GRIK3: variants seen among roughly 807,000 people sequenced by gnomAD.
The protein encoded by GRIK3 is glutamate receptor ionotropic, kainate 3.
Under a neutral mutation model 102.5 loss-of-function variants are expected in GRIK3, and 29 were observed. That is an observed-to-expected ratio of 0.28 (90% confidence interval 0.21 to 0.39). The LOEUF (loss-of-function observed/expected upper bound fraction) is 0.39, where lower values mean the gene tolerates loss of function less well. Ranked by LOEUF, GRIK3 falls within the 10% of genes least tolerant of loss-of-function variation. The pLI is 1.00. For synonymous variants in GRIK3, 511 were observed against 504.9 expected, an observed-to-expected ratio of 1.01 and a Z score of -0.16; for missense variants, 908 against 1,252.4, an observed-to-expected ratio of 0.73 and a Z score of 4.15.
chr1:37,033,896 G>A (rs990888155), intron 1 of GRIK3, 98 bp downstream of exon 1: 88 of 621,240 alleles, frequency 1.4e-4, no homozygotes, highest in Non-Finnish European at 2.4e-4. Context: ...GCAGCTCGGA[G>A]AGAGGTTAGG....
rs1472696843 is a variant in GRIK3, at chr1:36,994,747, C to T, written c.115+39247G>A. On this transcript the variant is annotated intron_variant, in intron 1 of 15. Coordinates refer to ENST00000373091, the MANE Select transcript of GRIK3 (RefSeq NM_000831.4). ...AGAATTTTTGGATAGTGATTCTTTT[C>T]AGCTGTCACACCACCCTGGGCATCA... Among the ~76,000 whole-genome samples, 3 of 152,132 alleles carry T rather than the reference C, an allele frequency of 2.0e-5. No homozygotes were observed. In the East Asian group the frequency reaches 5.8e-4, roughly 29 times the overall value.
intron 10 of GRIK3, among the ~76,000 whole-genome samples, chr1:36,826,074 G>A (rs1463995026): frequency 1.3e-5 from 2 of 152,150 alleles, no homozygotes; most frequent in Non-Finnish European, 1.5e-5. Context: ...AGAGGGTGGT[G>A]GAATAAACAT....
intron 8 of GRIK3, among the ~76,000 whole-genome samples, chr1:36,851,172 T>C (rs945491945): frequency 8.6e-5 from 13 of 151,146 alleles, no homozygotes; most frequent in Non-Finnish European, 4.4e-5. Flanking sequence ...TCAGGACACT[T>C]AATCAATTAA....
At chr1:37,018,370 A>G (rs1642675297) in intron 1 of GRIK3, among the ~76,000 whole-genome samples, 1 of 152,218 alleles carries the variant, frequency 6.6e-6, no homozygotes, top group Admixed American at 6.5e-5. Flanking sequence ...TTCTCGGACC[A>G]TCACTCACTG....
At position 36,819,293 on chromosome 1, in the gene GRIK3, G is replaced by A. The variant is rs1365740891; in HGVS notation, c.1873+443C>T. On this transcript the variant is annotated intron_variant, in intron 12 of 15. Coordinates refer to ENST00000373091, the MANE Select transcript of GRIK3 (RefSeq NM_000831.4). This position sits in a 1 kb window ranked among gnomAD's most constrained non-coding sequence, Gnocchi z 4.1. Reference sequence around the variant, plus strand: ...TGCCTTCCACTCCCAGGGCCACCACGAGGTTCAGGTCTCATCACCTCATTC... The same window carrying A: ...TGCCTTCCACTCCCAGGGCCACCACAAGGTTCAGGTCTCATCACCTCATTC... Among the ~76,000 whole-genome samples the A allele has an allele frequency of 6.6e-6, 1 of 152,166 alleles. No individual in the cohort carries two copies. Among genetic ancestry groups the A allele is most frequent in the African/African-American group, 2.4e-5 (1 of 41,438 alleles).
At chr1:36,958,383 A>G (rs1365349814) in intron 1 of GRIK3, among the ~76,000 whole-genome samples, 2 of 72,100 alleles carry the variant, frequency 2.8e-5, no homozygotes, top group Non-Finnish European at 4.8e-5. Flanking sequence ...GTGCTCTTTG[A>G]ATCTGCGCCC....
intron 1 of GRIK3, among the ~76,000 whole-genome samples, chr1:36,970,863 C>G (rs1400027084): frequency 2.6e-5 from 4 of 152,204 alleles, no homozygotes; most frequent in Non-Finnish European, 5.9e-5. Context: ...CCCCCAATAG[C>G]CTTTCACTAC....
chr1:36,892,971 A>C (rs1641133458), intron 1 of GRIK3, among the ~76,000 whole-genome samples: 1 of 152,208 alleles, frequency 6.6e-6, no homozygotes, highest in Non-Finnish European at 1.5e-5. Flanking sequence ...ACAATTATTC[A>C]ATTATTTGGA....
intron 1 of GRIK3, among the ~76,000 whole-genome samples, chr1:36,973,764 G>A (rs570705529): frequency 6.6e-6 from 1 of 152,148 alleles, no homozygotes; most frequent in Non-Finnish European, 1.5e-5. Flanking sequence ...CTCTCTCAAA[G>A]CATGAAATGA....
chr1:36,933,766 T>C (rs1156393338), intron 1 of GRIK3, among the ~76,000 whole-genome samples: 1 of 152,228 alleles, frequency 6.6e-6, no homozygotes, highest in Admixed American at 6.5e-5. Context: ...GAAAGTCAGA[T>C]GCTGCTGTGT....
Position 36,880,859 on chromosome 1 carries a change from T to TCGCCACCA in GRIK3, c.317_324dup (p.Ile109TrpfsTer45). ...CAGGAGCCCTGTGATGGGCCGAAGA[T>TCGCCACCA]CGCCACCACGCCCAGTGCCAGCTGG... On this transcript the variant is annotated frameshift_variant, in exon 3 of 16. Coordinates refer to ENST00000373091, the MANE Select transcript of GRIK3 (RefSeq NM_000831.4). LOFTEE classifies it high-confidence loss of function. The surrounding 1 kb of genome is among the most constrained non-coding windows in gnomAD (Gnocchi z 5.4). 6.2e-7 allele frequency: 1 copy of TCGCCACCA among 1,612,482 alleles called. No individual in the cohort carries two copies. The highest frequency in any genetic ancestry group is 1.1e-5 in the South Asian group (1 of 90,904).
At chr1:36,990,804 G>C (rs1260277324) in intron 1 of GRIK3, among the ~76,000 whole-genome samples, 2 of 152,112 alleles carry the variant, frequency 1.3e-5, no homozygotes, top group Non-Finnish European at 2.9e-5. Context: ...CAGAGTTCCA[G>C]GGAGTGGAGA....
chr1:36,876,946 T>C (rs1025060377), intron 3 of GRIK3, among the ~76,000 whole-genome samples: 1 of 152,230 alleles, frequency 6.6e-6, no homozygotes, highest in African/African-American at 2.4e-5. Context: ...TAATTAAATA[T>C]TGAAGGAAAG....
chr1:36,915,807 G>C (rs1177020918), intron 1 of GRIK3, among the ~76,000 whole-genome samples: 1 of 152,116 alleles, frequency 6.6e-6, no homozygotes, highest in East Asian at 1.9e-4. Context: ...TGCATTAAAC[G>C]TCTTTCTTCT....
At chr1:36,910,396 C>G (rs752892633) in intron 1 of GRIK3, among the ~76,000 whole-genome samples, 3 of 152,250 alleles carry the variant, frequency 2.0e-5, no homozygotes, top group African/African-American at 4.8e-5. Flanking sequence ...CCTGTCTGTT[C>G]TGATCAGGGT....
At chr1:36,828,795 A>G (rs1014030785) in intron 10 of GRIK3, among the ~76,000 whole-genome samples, 1 of 152,158 alleles carries the variant, frequency 6.6e-6, no homozygotes, top group African/African-American at 2.4e-5. Flanking sequence ...TCTTCCTTTA[A>G]CTTTTGATGG....
In GRIK3 at chr1:36,880,566, A is replaced by C; in HGVS notation, c.550+68T>G. 2 of 1,482,942 alleles carry C rather than the reference A, an allele frequency of 1.3e-6. No individual in the cohort carries two copies. The highest frequency in any genetic ancestry group is 1.9e-6 in the Non-Finnish European group (2 of 1,068,392). The allele number at this position is 1,482,942 out of a possible 1,614,324, so 91.9% of individuals were successfully genotyped here. A position where few individuals can be genotyped will look rare whatever the true frequency, so the allele number is the denominator to read the frequency against. On this transcript the variant is annotated intron_variant, in intron 3 of 15. Transcript: ENST00000373091. The surrounding 1 kb of genome is among the most constrained non-coding windows in gnomAD (Gnocchi z 5.4). ...GGCAGCTGTGCTGAACAAACAGACA[A>C]GAGCTTGATCCTGGGCCTCTGCCCC... is the stretch of plus-strand genomic sequence containing the variant.
At chr1:36,959,936 A>AGC (rs10622271) in intron 1 of GRIK3, among the ~76,000 whole-genome samples, 166 of 31,492 alleles carry the variant, frequency 5.3e-3, no homozygotes, top group East Asian at 0.012. Flanking sequence ...GTGCCCCATG[A>AGC]CTCTGTGCCC....
intron 10 of GRIK3, among the ~76,000 whole-genome samples, chr1:36,827,582 C>T (rs972912626): frequency 6.6e-6 from 1 of 152,228 alleles, no homozygotes; most frequent in African/African-American, 2.4e-5. Context: ...ACAGACATGA[C>T]TTCTGCCCTC....
Sources: gnomAD v4.1 joint callset for allele counts (sites outside exome capture counted in the v4.1 genomes callset) on GRCh38, gnomAD v4.1.1 for gene constraint, Gnocchi (gnomAD v3.1) non-coding constraint, MANE v1.5 for transcripts, NCBI Gene and HGNC (gene_info 2026-07-23, HGNC 2026-07-21) for gene names.